The following PDE5A variants were observed in gnomAD, a reference collection of about 807,000 sequenced individuals.
PDE5A encodes the protein phosphodiesterase 5A, also known as cGMP-specific 3',5'-cyclic phosphodiesterase.
PDE5A carries 67 observed loss-of-function variants against 110.2 expected under a neutral mutation model. That is an observed-to-expected ratio of 0.61 (90% CI 0.50 to 0.75). The LOEUF (loss-of-function observed/expected upper bound fraction) is 0.75. Ranked by LOEUF, PDE5A falls within the 30% of genes least tolerant of loss-of-function variation. The pLI is 0.00. For missense variants in PDE5A, 862 were observed against 1,045.1 expected (o/e 0.82, Z 2.42); for synonymous variants, 328 against 351.2 (o/e 0.93, Z 0.74).
intron 1 of PDE5A, among the ~76,000 whole-genome samples, chr4:119,608,794 G>A (rs1729632206): frequency 6.6e-6 from 1 of 152,140 alleles, no homozygotes; most frequent in Non-Finnish European, 1.5e-5. Flanking sequence ...GGATAAACAA[G>A]TTTGACAATG....
chr4:119,607,175 C>T lies in PDE5A; in HGVS notation c.275G>A (p.Ser92Asn), dbSNP rs1560639322. ...PLQQSPRADN[S>N]APGTPTRKIS... The stretch of plus-strand genomic sequence containing the variant: ...TTTCCTGGTTGGTGTTCCAGGGGCA[C>T]TGTTATCTGCACGAGGACTCTGCTG... The change falls in exon 2 of 21, where the codon AGT (serine) becomes AAT (asparagine). Residue 92 changes from serine (S) to asparagine (N), a missense_variant. Ser to Asn is a conservative substitution (Grantham distance 46, BLOSUM62 1). Transcript: ENST00000354960. 1 of 1,614,132 alleles carries T rather than the reference C, an allele frequency of 6.2e-7. No individual in the cohort carries two copies. Among genetic ancestry groups the T allele is most frequent in the East Asian group, 2.2e-5 (1 of 44,868 alleles).
At chr4:119,624,361 G>A (rs139475247) in intron 1 of PDE5A, among the ~76,000 whole-genome samples, 172 of 152,036 alleles carry the variant, frequency 1.1e-3, no homozygotes, top group Middle Eastern at 6.8e-3. Flanking sequence ...TGTAAATACC[G>A]TGCAATAAAA....
At chr4:119,564,879 CA>C (rs1340324537) in intron 5 of PDE5A, among the ~76,000 whole-genome samples, 5 of 152,026 alleles carry the variant, frequency 3.3e-5, no homozygotes, top group Admixed American at 2.0e-4. Context: ...ATGGAAAAAG[CA>C]GGGCTAAGGA....
intron 1 of PDE5A, among the ~76,000 whole-genome samples, chr4:119,608,933 G>A (rs956572170): frequency 5.3e-5 from 8 of 152,146 alleles, no homozygotes; most frequent in Admixed American, 1.3e-4. Flanking sequence ...AGGCCGAGGC[G>A]GGCGGATCAT....
At position 119,494,750 on chromosome 4, in the gene PDE5A, T is replaced by G. The variant is rs991902482; in HGVS notation, c.*3851A>C. 1 of 152,596 alleles carries G rather than the reference T, an allele frequency of 6.6e-6. No homozygotes were observed. Among genetic ancestry groups the G allele is most frequent in the Non-Finnish European group, 1.5e-5 (1 of 68,036 alleles). 9.5% of individuals were successfully genotyped at this position (152,596 alleles called of 1,614,324 possible). On this transcript the variant is annotated 3_prime_UTR_variant, in exon 21 of 21. Coordinates refer to ENST00000354960, the MANE Select transcript of PDE5A (RefSeq NM_001083.4). ...TAAGAATACAAATAGATATTAACAG[T>G]GGCTAGTGATGCCTCATAAGGTTTT...
intron 11 of PDE5A, among the ~76,000 whole-genome samples, chr4:119,533,371 C>G (rs2110479819): frequency 6.6e-6 from 1 of 152,240 alleles, no homozygotes; most frequent in African/African-American, 2.4e-5. Flanking sequence ...CCACATTACA[C>G]CTTATGGAAG....
chr4:119,580,157 A>G (rs1035101971), intron 3 of PDE5A, among the ~76,000 whole-genome samples: 1 of 152,114 alleles, frequency 6.6e-6, no homozygotes, highest in East Asian at 1.9e-4. Context: ...TGGCATAATT[A>G]TTGATCCTAG....
At chr4:119,584,770 C>G (rs976181740) in intron 3 of PDE5A, among the ~76,000 whole-genome samples, 1 of 152,162 alleles carries the variant, frequency 6.6e-6, no homozygotes, top group Non-Finnish European at 1.5e-5. Flanking sequence ...CCAGGCACTT[C>G]CCTCCTTCTA....
At chr4:119,599,399 T>C (rs966685033) in intron 2 of PDE5A, among the ~76,000 whole-genome samples, 2 of 152,104 alleles carry the variant, frequency 1.3e-5, no homozygotes, top group East Asian at 3.9e-4. Context: ...ATAAGGACTT[T>C]AAAGCAGCTA....
At chr4:119,585,275 CAAAAA>C (rs10706998) in intron 3 of PDE5A, among the ~76,000 whole-genome samples, 6 of 135,240 alleles carry the variant, frequency 4.4e-5, no homozygotes, top group Non-Finnish European at 4.8e-5. Flanking sequence ...AACTCTGTCT[CAAAAA>C]AAAAAAAAAA....
chr4:119,501,282 C>G (rs201930991), intron 19 of PDE5A, 29 bp from the exon 20 acceptor site: 12 of 1,228,890 alleles, frequency 9.8e-6, no homozygotes, highest in Non-Finnish European at 1.3e-5. Flanking sequence ...ACCAGACACA[C>G]AGATGTGCAT....
Position 119,504,589 on chromosome 4 carries a change from T to G in PDE5A, c.2278A>C (p.Met760Leu), listed in dbSNP as rs1363916806. 1 of 1,612,428 alleles carries G rather than the reference T, an allele frequency of 6.2e-7. No homozygotes were observed. Among genetic ancestry groups the G allele is most frequent in the Admixed American group, 1.7e-5 (1 of 59,900 alleles). ...HQKELFLAMLMTACDLSAITK... is the reference protein window; with the variant it reads ...HQKELFLAMLLTACDLSAITK... The stretch of plus-strand genomic sequence containing the variant: ...ATTGCAGAAAGATCACAAGCTGTCA[T>G]CAGCATTGCCCTGTTATGGAAAAAA... Residue 760 changes from methionine (M) to leucine (L), a missense_variant, in exon 18 of 21, where the codon ATG becomes CTG. Transcript: ENST00000354960.
chr4:119,562,162 A>G (rs187453808), intron 6 of PDE5A, among the ~76,000 whole-genome samples: 149 of 152,338 alleles, frequency 9.8e-4, no homozygotes, highest in African/African-American at 3.4e-3. Context: ...GCCTTAGGCC[A>G]GGGGCCCTGA....
intron 15 of PDE5A, among the ~76,000 whole-genome samples, chr4:119,509,604 A>G (rs1372326271): frequency 6.6e-6 from 1 of 151,960 alleles, no homozygotes; most frequent in Non-Finnish European, 1.5e-5. Flanking sequence ...TACCCCAGAG[A>G]AGTCGTGTAT....
At chr4:119,587,945 A>G (rs1728823000) in intron 3 of PDE5A, among the ~76,000 whole-genome samples, 3 of 152,294 alleles carry the variant, frequency 2.0e-5, no homozygotes, top group African/African-American at 7.2e-5. Flanking sequence ...CACTCCATGG[A>G]GATCAAGTAT....
chr4:119,590,595 C>G (rs1357057537), intron 3 of PDE5A, among the ~76,000 whole-genome samples: 2 of 152,130 alleles, frequency 1.3e-5, no homozygotes, highest in East Asian at 3.9e-4. Context: ...AAATTACCAT[C>G]ACAGATGTTT....
intron 3 of PDE5A, among the ~76,000 whole-genome samples, chr4:119,583,183 G>C (rs1478058476): frequency 1.3e-5 from 2 of 152,162 alleles, no homozygotes; most frequent in African/African-American, 4.8e-5. Context: ...ATCTTCACTA[G>C]ATCTGGATAA....
At chr4:119,534,238 A>G (rs753719604) in intron 11 of PDE5A, among the ~76,000 whole-genome samples, 4 of 152,130 alleles carry the variant, frequency 2.6e-5, no homozygotes, top group African/African-American at 9.7e-5. Flanking sequence ...GGGCTTCCCA[A>G]CCACTGAGTT....
rs200205337 is a variant in PDE5A at position 119,494,519 on chromosome 4, C to A, written c.*4082G>T. The A allele has an allele frequency of 6.6e-6, 1 of 152,576 alleles. No individual in the cohort carries two copies. Among genetic ancestry groups the A allele is most frequent in the South Asian group, 2.1e-4 (1 of 4,812 alleles). The allele number at this position is 152,576 out of a possible 1,614,324, so 9.5% of individuals were successfully genotyped here. A position where few individuals can be genotyped will look rare whatever the true frequency, so the allele number is the denominator to read the frequency against. ...CCATCTCATGACTTTATACAGGAAT[C>A]GGAGGTAAGTGTTCCTTTAAAGTGA... On this transcript the variant is annotated 3_prime_UTR_variant, in exon 21 of 21. Transcript: ENST00000354960.
Sources: allele counts gnomAD v4.1 joint callset (sites outside exome capture counted in the v4.1 genomes callset), GRCh38; gene constraint gnomAD v4.1.1; transcripts MANE v1.5; gene names NCBI Gene and HGNC (gene_info 2026-07-23, HGNC 2026-07-21).